The following CEBPZ variants were observed in gnomAD, a reference collection of about 807,000 sequenced individuals.
The protein encoded by CEBPZ is CCAAT enhancer binding protein zeta.
Under a neutral mutation model 104.5 loss-of-function variants are expected in CEBPZ, and 78 were observed. The observed-to-expected ratio is 0.75, with a 90% confidence interval of 0.62 to 0.90. The LOEUF (loss-of-function observed/expected upper bound fraction) is 0.90. CEBPZ is among the 40% of genes least tolerant of loss of function. The pLI is 0.00. For missense variants in CEBPZ, 1,439 were observed against 1,233.5 expected (o/e 1.17, Z -2.50); for synonymous variants, 470 against 427.0 (o/e 1.10, Z -1.24).
At position 37,231,556 on chromosome 2, in the gene CEBPZ, G is replaced by A. The variant is rs1158255779; in HGVS notation, c.12C>T (p.Val4=). Residue 4 remains valine (V), a synonymous_variant, in exon 1 of 16, where the codon GTC becomes GTT. Transcript: ENST00000234170. The part of the protein sequence containing the change: MAA[V]KEPLEFHAKR... ...TGGCATGGAACTCCAAAGGCTCCTT[G>A]ACTGCGGCCATGGCGGGCAAAGCAT... 2 of 1,614,220 alleles carry A rather than the reference G, an allele frequency of 1.2e-6. No individual in the cohort carries two copies. The highest frequency in any genetic ancestry group is 2.2e-5 in the East Asian group (1 of 44,884).
rs746811580 is a variant in CEBPZ at position 37,227,641 on chromosome 2, C to G, written c.1552G>C (p.Val518Leu). ...GCCTGGACACTGGTATTAAAATTCA[C>G]AATATGCAACACTTTAAACAGTGTG... ...IDTLFKVLHI[V>L]NFNTSVQALM... The change falls in exon 2 of 16, where the codon GTG becomes CTG. Residue 518 changes from valine (V) to leucine (L), a missense_variant. Coordinates refer to ENST00000234170, the MANE Select transcript of CEBPZ (RefSeq NM_005760.3). 1 of 1,614,122 alleles carries G rather than the reference C, an allele frequency of 6.2e-7. No individual in the cohort carries two copies. Among genetic ancestry groups the G allele is most frequent in the Non-Finnish European group, 8.5e-7 (1 of 1,179,994 alleles).
At chr2:37,211,590 T>G (rs1677721931) in intron 12 of CEBPZ, 1 of 408,304 alleles carries the variant, frequency 2.4e-6, no homozygotes, top group East Asian at 3.9e-5. Flanking sequence ...CAACATGTAT[T>G]GTACAGAGAA....
Position 37,220,483 on chromosome 2 carries a change from A to AC in CEBPZ, c.2066-11dup. On this transcript the variant is annotated splice_polypyrimidine_tract_variant and intron_variant, in intron 4 of 15. Coordinates refer to ENST00000234170, the MANE Select transcript of CEBPZ (RefSeq NM_005760.3). ...TTTAACTGTTTCCCACCTAGGAATA[A>AC]CAAAAAAAATACGATTTCTCAAATG... 6.8e-7 allele frequency: 1 copy of AC among 1,475,562 alleles called. No homozygotes were observed. 91.4% of individuals were successfully genotyped at this position (1,475,562 alleles called of 1,614,324 possible).
chr2:37,220,526 G>A, intron 4 of CEBPZ, 53 bp from the exon 5 acceptor site: 1 of 950,380 alleles, frequency 1.1e-6, no homozygotes, highest in Non-Finnish European at 1.6e-6. Flanking sequence ...CCTAGCCCAA[G>A]AGGTCATTAA....
At position 37,222,388 on chromosome 2, in the gene CEBPZ, T is replaced by C. The variant is rs568019210; in HGVS notation, c.2057A>G (p.Asn686Ser). ...PEVASWVHFD[N>S]LKGGKQLNKY... ...AGATGAAAAAAACTCACCTTTCAAA[T>C]TATCAAAGTGCACCCAGGAAGCAAC... The change falls in exon 4 of 16, where the codon AAT becomes AGT. Residue 686 changes from asparagine (N) to serine (S), a missense_variant. Coordinates refer to ENST00000234170, the MANE Select transcript of CEBPZ (RefSeq NM_005760.3). 10 of 1,578,014 alleles carry C rather than the reference T, an allele frequency of 6.3e-6. No homozygotes were observed. In the East Asian group the frequency reaches 2.3e-4, roughly 36 times the overall value.
At position 37,217,013 on chromosome 2, in the gene CEBPZ, C is replaced by T. The variant is rs767993948; in HGVS notation, c.2179G>A (p.Val727Met). 1.7e-5 allele frequency: 28 copies of T among 1,612,468 alleles called. No individual in the cohort carries two copies. Among genetic ancestry groups the T allele is most frequent in the Admixed American group, 5.0e-5 (3 of 59,930 alleles). The part of the protein sequence containing the change: ...KKLSVHFHPS[V>M]ALFAKTILQG... Reference sequence around the variant, plus strand: ...AGGATGGTCTTTGCAAAAAGGGCCACGGAGGGATGAAAATGCACAGATAAC... The same window carrying T: ...AGGATGGTCTTTGCAAAAAGGGCCATGGAGGGATGAAAATGCACAGATAAC... The change falls in exon 6 of 16, where the codon GTG becomes ATG. Residue 727 changes from valine to methionine, a missense_variant. By Grantham distance (21) the Val-to-Met change is conservative. Coordinates refer to ENST00000234170, the MANE Select transcript of CEBPZ (RefSeq NM_005760.3).
Position 37,213,232 on chromosome 2 carries a change from T to C in CEBPZ, c.2545+632A>G, listed in dbSNP as rs569501751. 7.2e-5 allele frequency among the ~76,000 whole-genome samples: 11 copies of C among 152,316 alleles called. No individual in the cohort carries two copies. The East Asian group carries it at 1.9e-3, about 27-fold the overall frequency. On this transcript the variant is annotated intron_variant, in intron 10 of 15. Transcript: ENST00000234170. ...GACTATTGCTATCAATTAGTACTGA[T>C]ATACTATAATAGATTATGAATAGTA...
At chr2:37,211,244 GAA>G (rs1296458918) in intron 12 of CEBPZ, 162 bp from the exon 13 acceptor site, 4 of 443,024 alleles carry the variant, frequency 9.0e-6, no homozygotes, top group Non-Finnish European at 1.6e-5. Context: ...GACAGACTGA[GAA>G]AAAGACTCTA....
chr2:37,227,642 A>C lies in CEBPZ; in HGVS notation c.1551T>G (p.Ile517Met). The stretch of plus-strand genomic sequence containing the variant: ...CCTGGACACTGGTATTAAAATTCAC[A>C]ATATGCAACACTTTAAACAGTGTGT... ...QIDTLFKVLH[I>M]VNFNTSVQAL... Residue 517 changes from isoleucine (I) to methionine (M), a missense_variant, in exon 2 of 16, where the codon ATT becomes ATG. Coordinates refer to ENST00000234170, the MANE Select transcript of CEBPZ (RefSeq NM_005760.3). The C allele has an allele frequency of 6.2e-7, 1 of 1,614,176 alleles. No homozygotes were observed. The highest frequency in any genetic ancestry group is 2.2e-5 in the East Asian group (1 of 44,880).
chr2:37,210,942 T>A (rs1677701908), intron 13 of CEBPZ, 57 bp downstream of exon 13: 2 of 1,263,412 alleles, frequency 1.6e-6, no homozygotes, highest in East Asian at 2.4e-5. Flanking sequence ...CCCAAAATGA[T>A]AATGACACCT....
At chr2:37,207,753 C>A (rs1419719242) in intron 13 of CEBPZ, among the ~76,000 whole-genome samples, 1 of 152,048 alleles carries the variant, frequency 6.6e-6, no homozygotes, top group Non-Finnish European at 1.5e-5. Flanking sequence ...ACTAGAGAAA[C>A]AAGAACAAAT....
intron 1 of CEBPZ, among the ~76,000 whole-genome samples, chr2:37,230,502 C>T (rs1339896315): frequency 6.6e-6 from 1 of 152,196 alleles, no homozygotes; most frequent in African/African-American, 2.4e-5. Flanking sequence ...TATACACAAG[C>T]ACAGAGCAAA....
intron 5 of CEBPZ, among the ~76,000 whole-genome samples, chr2:37,219,035 G>A (rs1343635131): frequency 1.3e-5 from 2 of 152,204 alleles, no homozygotes; most frequent in Non-Finnish European, 2.9e-5. Flanking sequence ...CAAGCTCAAG[G>A]TGGTGGTTAC....
chr2:37,229,870 T>A (rs1243339368), intron 1 of CEBPZ, among the ~76,000 whole-genome samples: 3 of 151,834 alleles, frequency 2.0e-5, no homozygotes, highest in Admixed American at 6.6e-5. Flanking sequence ...AAAAAAAAAT[T>A]TTTTTTTGAG....
intron 1 of CEBPZ, among the ~76,000 whole-genome samples, chr2:37,229,868 AT>A (rs1181158641): frequency 2.0e-5 from 3 of 151,522 alleles, no homozygotes; most frequent in Non-Finnish European, 4.4e-5. Context: ...TAAAAAAAAA[AT>A]TTTTTTTTGA....
rs1383362878 is a variant in CEBPZ, at chr2:37,211,846, G to A, written c.2797C>T (p.Pro933Ser). 1 of 1,591,440 alleles carries A rather than the reference G, an allele frequency of 6.3e-7. No homozygotes were observed. Residue 933 changes from proline to serine, a missense_variant, in exon 12 of 16, where the codon CCA (proline) becomes TCA (serine). Pro to Ser is a moderately conservative substitution (Grantham distance 74). Transcript: ENST00000234170. ...DVLDDESESV[P>S]ELEVHSKVST... ...TCTTATTTTAAAAAATGCTTACCTG[G>A]AACGCTCTCACTTTCATCATCTAAC...
intron 13 of CEBPZ, among the ~76,000 whole-genome samples, chr2:37,208,199 A>G (rs775157307): frequency 2.0e-5 from 3 of 152,222 alleles, no homozygotes; most frequent in Non-Finnish European, 2.9e-5. Context: ...AGATGGATTC[A>G]CAGCTGAATT....
chr2:37,223,373 A>T lies in CEBPZ; in HGVS notation c.1678T>A (p.Cys560Ser), dbSNP rs368373656. 3 of 1,614,202 alleles carry T rather than the reference A, an allele frequency of 1.9e-6. No individual in the cohort carries two copies. The highest frequency in any genetic ancestry group is 3.3e-4 in the Middle Eastern group (2 of 6,062). Residue 560 changes from cysteine to serine, a missense_variant, in exon 3 of 16, where the codon TGT (cysteine) becomes AGT (serine). Cys to Ser is a moderately radical substitution (Grantham distance 112). Coordinates refer to ENST00000234170, the MANE Select transcript of CEBPZ (RefSeq NM_005760.3). ...TTAAGAAACATAGCTTGCTTGGAAC[A>T]CGTCATCAACCCTGGATCCAACATC... The part of the protein sequence containing the change: ...RKMLDPGLMT[C>S]SKQAMFLNLV...
At chr2:37,208,425 A>AT (rs1376471615) in intron 13 of CEBPZ, among the ~76,000 whole-genome samples, 1 of 152,228 alleles carries the variant, frequency 6.6e-6, no homozygotes, top group African/African-American at 2.4e-5. Context: ...CTCCAACAGC[A>AT]TATCAAAAAG....
Sources: gnomAD v4.1 joint callset for allele counts (sites outside exome capture counted in the v4.1 genomes callset) on GRCh38, gnomAD v4.1.1 for gene constraint, MANE v1.5 for transcripts, NCBI Gene and HGNC (gene_info 2026-07-23, HGNC 2026-07-21) for gene names.